The following GREB1 variants were observed in gnomAD, a reference collection of about 807,000 sequenced individuals.
The protein encoded by GREB1 is growth regulating estrogen receptor binding 1.
In GREB1, 106 loss-of-function variants were observed where a neutral mutation model predicts 200.7. That is an observed-to-expected ratio of 0.53 (90% CI 0.45 to 0.62). GREB1 has a LOEUF of 0.62. Ranked by LOEUF, GREB1 falls within the 20% of genes least tolerant of loss-of-function variation. The pLI is 0.00. For synonymous variants in GREB1, 1,132 were observed against 1,092.4 expected, an observed-to-expected ratio of 1.04 and a Z score of -0.72; for missense variants, 2,243 against 2,556.8, an observed-to-expected ratio of 0.88 and a Z score of 2.65.
intron 1 of GREB1, among the ~76,000 whole-genome samples, chr2:11,483,998 C>T (rs1225587352): frequency 6.6e-6 from 1 of 152,146 alleles, no homozygotes; most frequent in Non-Finnish European, 1.5e-5. Flanking sequence ...CTCTTTTATT[C>T]CCAGTGAAAG....
At chr2:11,550,149 C>T (rs1200086943) in intron 1 of GREB1, among the ~76,000 whole-genome samples, 3 of 152,096 alleles carry the variant, frequency 2.0e-5, no homozygotes, top group African/African-American at 4.8e-5. Flanking sequence ...ACCTGAGAGG[C>T]GAAGGTTGCA....
At position 11,618,765 on chromosome 2, in the gene GREB1, C is replaced by T. The variant is rs764618009; in HGVS notation, c.3890C>T (p.Pro1297Leu). ...GTCATGTGGGCCAGCTCTTTCCGCCCCCTGCTCAGCAAGACCATGACATCC... is the reference window on the plus strand; with the variant it reads ...GTCATGTGGGCCAGCTCTTTCCGCCTCCTGCTCAGCAAGACCATGACATCC... ...PSVMWASSFR[P>L]LLSKTMTSTE... Residue 1297 changes from proline (P) to leucine (L), a missense_variant, in exon 22 of 33, where the codon CCC (proline) becomes CTC (leucine). Physicochemically the swap from Pro to Leu is moderately conservative, Grantham distance 98 (BLOSUM62 -3). Transcript: ENST00000381486. The T allele has an allele frequency of 6.2e-7, 1 of 1,613,082 alleles. No individual in the cohort carries two copies. The highest frequency in any genetic ancestry group is 8.5e-7 in the Non-Finnish European group (1 of 1,179,888).
chr2:11,615,286 A>T lies in GREB1; in HGVS notation c.3318A>T (p.Thr1106=). 6.3e-7 allele frequency: 1 copy of T among 1,581,658 alleles called. No homozygotes were observed. Among genetic ancestry groups the T allele is most frequent in the Non-Finnish European group, 8.6e-7 (1 of 1,162,666 alleles). The change falls in exon 20 of 33, where the codon ACA becomes ACT. Residue 1106 remains threonine, a synonymous_variant. Transcript: ENST00000381486. ...ACAACGAGGATGAGGAGCTGGGGACAGAAGGTGAGGGATGGCTGCCCTCAG... is the reference window on the plus strand; with the variant it reads ...ACAACGAGGATGAGGAGCTGGGGACTGAAGGTGAGGGATGGCTGCCCTCAG... ...STDNEDEELG[T]EGSTSEKRSP... is the part of the protein sequence containing the mutation.
At chr2:11,491,051 C>T (rs1200512393) in intron 1 of GREB1, among the ~76,000 whole-genome samples, 1 of 152,160 alleles carries the variant, frequency 6.6e-6, no homozygotes, top group Non-Finnish European at 1.5e-5. Flanking sequence ...ACAGCTGTTA[C>T]TGTTGGTCTT....
At chr2:11,611,922 G>A (rs184786294) in intron 18 of GREB1, among the ~76,000 whole-genome samples, 5 of 152,312 alleles carry the variant, frequency 3.3e-5, no homozygotes, top group East Asian at 1.9e-4. Context: ...GGTTGGGCGC[G>A]GTGGCTTACA....
rs1672807182 is a variant in GREB1 at position 11,493,161 on chromosome 2, G to T, written c.-159+10780G>T. 6.6e-6 allele frequency among the ~76,000 whole-genome samples: 1 copy of T among 152,176 alleles called. No homozygotes were observed. Among genetic ancestry groups the T allele is most frequent in the Non-Finnish European group, 1.5e-5 (1 of 68,020 alleles). ...AGCCTCCACTTCATGTTGTCCATAG[G>T]CTTGTGGAAACTGCGACATGAAGGG... On this transcript the variant is annotated intron_variant, in intron 1 of 2. Transcript: ENST00000628795. The surrounding 1 kb of genome is among the most constrained non-coding windows in gnomAD (Gnocchi z 4.6).
In GREB1 at chr2:11,634,362, A is replaced by C. The variant is rs1028222773; in HGVS notation, c.5210+13A>C. On this transcript the variant is annotated intron_variant, in intron 29 of 32. Coordinates refer to ENST00000381486, the MANE Select transcript of GREB1 (RefSeq NM_014668.4). ...ACAACCAGAACCGGTGAGCTCCTGC[A>C]CCTGGGGCAGAGGCGGCGGCAGCCC... The C allele has an allele frequency of 6.2e-6, 10 of 1,605,694 alleles. No homozygotes were observed. Among genetic ancestry groups the C allele is most frequent in the Non-Finnish European group, 6.8e-6 (8 of 1,174,306 alleles).
intron 1 of GREB1, among the ~76,000 whole-genome samples, chr2:11,508,808 G>A (rs964512656): frequency 9.9e-5 from 15 of 151,568 alleles, no homozygotes; most frequent in African/African-American, 3.6e-4. Context: ...AACGTTCACC[G>A]TGGTTGTCTT....
At chr2:11,608,462 G>C (rs1682612028) in intron 17 of GREB1, among the ~76,000 whole-genome samples, 1 of 152,128 alleles carries the variant, frequency 6.6e-6, no homozygotes. Flanking sequence ...GAGAATACCA[G>C]ACGTTGTTAA....
chr2:11,514,357 T>C (rs1262170639), intron 1 of GREB1, among the ~76,000 whole-genome samples: 1 of 152,256 alleles, frequency 6.6e-6, no homozygotes, highest in Non-Finnish European at 1.5e-5. Flanking sequence ...GCTATTGCAT[T>C]GTTGAACTTG....
At chr2:11,609,804 A>C (rs1250454419) in intron 17 of GREB1, among the ~76,000 whole-genome samples, 2 of 152,040 alleles carry the variant, frequency 1.3e-5, no homozygotes, top group Non-Finnish European at 2.9e-5. Context: ...CCCTGATAGA[A>C]CTCACAGGGT....
At position 11,621,665 on chromosome 2, in the gene GREB1, G is replaced by C. The variant is rs144577441; in HGVS notation, c.4147+658G>C. On this transcript the variant is annotated intron_variant, in intron 23 of 32. Transcript: ENST00000381486. ...AATGAATCTGCTGTGCTGGGAGAGA[G>C]AGCTTGTCAGACGAGTCCTGTCTGT... 1.8e-4 allele frequency among the ~76,000 whole-genome samples: 27 copies of C among 152,322 alleles called. No homozygotes were observed. The East Asian group carries it at 5.2e-3, about 29-fold the overall frequency.
At chr2:11,588,096 A>T in intron 9 of GREB1, 1 of 405,406 alleles carries the variant, frequency 2.5e-6, no homozygotes, top group Non-Finnish European at 3.4e-6. Flanking sequence ...TGTGGTGGTG[A>T]TGCGCACCTG....
At chr2:11,631,639 C>G (rs1684884449) in intron 26 of GREB1, among the ~76,000 whole-genome samples, 1 of 152,170 alleles carries the variant, frequency 6.6e-6, no homozygotes, top group South Asian at 2.1e-4. Flanking sequence ...CATGTGGTCT[C>G]TCATCGTCCA....
chr2:11,508,364 G>A (rs1673241351), intron 1 of GREB1, among the ~76,000 whole-genome samples: 1 of 152,248 alleles, frequency 6.6e-6, no homozygotes. Flanking sequence ...GGACACATGA[G>A]GCTGGCGTTG....
chr2:11,615,657 C>T (rs1278565884), intron 20 of GREB1, among the ~76,000 whole-genome samples: 1 of 152,208 alleles, frequency 6.6e-6, no homozygotes, highest in Non-Finnish European at 1.5e-5. Flanking sequence ...GGAATTCCCA[C>T]CTAGTGTGAT....
intron 7 of GREB1, among the ~76,000 whole-genome samples, chr2:11,582,160 G>C (rs901927584): frequency 6.6e-6 from 1 of 152,338 alleles, no homozygotes; most frequent in South Asian, 2.1e-4. Context: ...CTTCTGGGCT[G>C]TCTGTGGACC....
At chr2:11,519,033 C>G (rs1434131465) in intron 1 of GREB1, among the ~76,000 whole-genome samples, 1 of 149,434 alleles carries the variant, frequency 6.7e-6, no homozygotes, top group Non-Finnish European at 1.5e-5. Context: ...GGAGGCGGAG[C>G]TTGCAGTGAG....
rs755525854 is a variant in GREB1, at chr2:11,610,837, C to T, written c.2816C>T (p.Pro939Leu). ...ATCACGCAGAACCTCCTCAACTCCCCGAAGCAGTGCCCCTGCGGCCACGGG... is the reference window on the plus strand; with the variant it reads ...ATCACGCAGAACCTCCTCAACTCCCTGAAGCAGTGCCCCTGCGGCCACGGG... ...LEITQNLLNS[P>L]KQCPCGHGLM... is the part of the protein sequence containing the mutation. Residue 939 changes from proline (P) to leucine (L), a missense_variant, in exon 18 of 33, where the codon CCG becomes CTG. Physicochemically the swap from Pro to Leu is moderately conservative, Grantham distance 98. Coordinates refer to ENST00000381486, the MANE Select transcript of GREB1 (RefSeq NM_014668.4). 6.2e-6 allele frequency: 10 copies of T among 1,613,302 alleles called. No individual in the cohort carries two copies. The highest frequency in any genetic ancestry group is 2.2e-5 in the East Asian group (1 of 44,902).
Sources: gnomAD v4.1 joint callset for allele counts (sites outside exome capture counted in the v4.1 genomes callset) on GRCh38, gnomAD v4.1.1 for gene constraint, Gnocchi (gnomAD v3.1) non-coding constraint, MANE v1.5 for transcripts, NCBI Gene and HGNC (gene_info 2026-07-23, HGNC 2026-07-21) for gene names.